MAF: variants seen among roughly 807,000 people sequenced by gnomAD.
MAF encodes MAF bZIP transcription factor.
In MAF, 10 loss-of-function variants were observed where a neutral mutation model predicts 22.0. The observed-to-expected ratio is 0.45, with a 90% confidence interval of 0.28 to 0.77. The LOEUF is 0.77. Among genes scored for constraint, MAF ranks in the 30% least tolerant of loss-of-function variants. MAF has a pLI of 0.12. For synonymous variants in MAF, 337 were observed against 255.8 expected, an observed-to-expected ratio of 1.32 and a Z score of -3.03; for missense variants, 544 against 548.4, an observed-to-expected ratio of 0.99 and a Z score of 0.08.
At chr16:79,473,507 C>A in the MAF span, among the ~76,000 whole-genome samples, 2 of 152,120 alleles carry the variant, frequency 1.3e-5, no homozygotes, top group Admixed American at 1.3e-4. Context: ...ATAAAAAATG[C>A]ACAGCCTTTG....
the MAF span, among the ~76,000 whole-genome samples, chr16:79,207,011 C>G: frequency 6.6e-6 from 1 of 152,146 alleles, no homozygotes; most frequent in Non-Finnish European, 1.5e-5. Context: ...ATCCCAAGCA[C>G]CGAGGTATCT....
chr16:79,400,142 C>T, the MAF span, among the ~76,000 whole-genome samples: 6 of 152,166 alleles, frequency 3.9e-5, no homozygotes, highest in Admixed American at 3.3e-4. Context: ...AGTGGGTAGA[C>T]ACCAGCAATG....
At chr16:79,298,141 C>A in the MAF span, among the ~76,000 whole-genome samples, 1 of 152,362 alleles carries the variant, frequency 6.6e-6, no homozygotes, top group East Asian at 1.9e-4. Flanking sequence ...ATGAAGCCAG[C>A]TCAGGCGGAG....
At chr16:79,286,088 G>T in the MAF span, among the ~76,000 whole-genome samples, 1 of 152,190 alleles carries the variant, frequency 6.6e-6, no homozygotes, top group Admixed American at 6.5e-5. Context: ...GATCAAATAA[G>T]ATCAATATTG....
the MAF span, among the ~76,000 whole-genome samples, chr16:79,236,154 A>C: frequency 6.6e-6 from 1 of 152,120 alleles, no homozygotes; most frequent in African/African-American, 2.4e-5. Context: ...TTTGACTTCC[A>C]AACAGAATTG....
At chr16:79,382,823 G>A in the MAF span, among the ~76,000 whole-genome samples, 1 of 152,212 alleles carries the variant, frequency 6.6e-6, no homozygotes, top group Non-Finnish European at 1.5e-5. Context: ...CAGAGAGCAA[G>A]AAAAGAACTG....
At chr16:79,556,713 G>C in the MAF span, among the ~76,000 whole-genome samples, 1 of 152,092 alleles carries the variant, frequency 6.6e-6, no homozygotes, top group African/African-American at 2.4e-5. Context: ...TCAGCTACGT[G>C]GGTAAATTAG....
chr16:79,355,796 T>C, the MAF span, among the ~76,000 whole-genome samples: 1 of 152,154 alleles, frequency 6.6e-6, no homozygotes, highest in Non-Finnish European at 1.5e-5. Context: ...AAAGTGGCTA[T>C]GGGCGGCGTG....
chr16:79,300,426 A>G, the MAF span, among the ~76,000 whole-genome samples: 2 of 152,090 alleles, frequency 1.3e-5, no homozygotes, highest in African/African-American at 4.8e-5. Context: ...GTGGTGGTGC[A>G]CACATGTAGT....
the MAF span, among the ~76,000 whole-genome samples, chr16:79,364,072 C>G: frequency 4.6e-5 from 7 of 152,138 alleles, no homozygotes; most frequent in Non-Finnish European, 1.0e-4. Context: ...TTAATTTAAT[C>G]CTTGTCTGTG....
the MAF span, among the ~76,000 whole-genome samples, chr16:79,208,909 C>T: frequency 6.6e-6 from 1 of 152,144 alleles, no homozygotes; most frequent in Non-Finnish European, 1.5e-5. Flanking sequence ...CTTAATTGTC[C>T]AGCAAGGGAG....
the MAF span, among the ~76,000 whole-genome samples, chr16:79,446,530 A>G: frequency 5.3e-5 from 8 of 152,204 alleles, no homozygotes; most frequent in African/African-American, 1.9e-4. Flanking sequence ...CACTAAAAAG[A>G]TAAAGGTTTG....
chr16:79,593,807 GA>G, downstream of MAF: 1 of 163,368 alleles, frequency 6.1e-6, no homozygotes, highest in Non-Finnish European at 1.2e-5. Context: ...GAGCAAAAAA[GA>G]AAAGGGAGCA....
chr16:79,393,613 A>C, the MAF span, among the ~76,000 whole-genome samples: 1 of 152,250 alleles, frequency 6.6e-6, no homozygotes, highest in East Asian at 1.9e-4. Context: ...TGGGTGCAGC[A>C]AGGTTCCTTC....
At chr16:79,320,338 G>C in the MAF span, among the ~76,000 whole-genome samples, 2 of 152,160 alleles carry the variant, frequency 1.3e-5, no homozygotes, top group African/African-American at 2.4e-5. Context: ...AGAAGATACG[G>C]GGCTTCCTGA....
the MAF span, among the ~76,000 whole-genome samples, chr16:79,553,442 G>A: frequency 6.6e-6 from 1 of 152,230 alleles, no homozygotes; most frequent in East Asian, 1.9e-4. Flanking sequence ...TGTTACAGAT[G>A]CCTGCTTTTG....
the MAF span, among the ~76,000 whole-genome samples, chr16:79,573,615 A>G: frequency 3.9e-5 from 6 of 152,206 alleles, no homozygotes; most frequent in African/African-American, 1.4e-4. Flanking sequence ...TTCATTTTCT[A>G]CTGTATAGGT....
At chr16:79,215,172 G>C in the MAF span, among the ~76,000 whole-genome samples, 2 of 152,122 alleles carry the variant, frequency 1.3e-5, no homozygotes, top group Non-Finnish European at 2.9e-5. Flanking sequence ...TGATTTCAAG[G>C]TCATGCAGAT....
chr16:79,211,752 A>G, the MAF span: 1 of 1,614,206 alleles, frequency 6.2e-7, no homozygotes, highest in Admixed American at 1.7e-5. Flanking sequence ...GTGGGCGCTC[A>G]GCGAGAGGCT....
Sources: allele counts gnomAD v4.1 joint callset (sites outside exome capture counted in the v4.1 genomes callset), GRCh38; gene constraint gnomAD v4.1.1; transcripts MANE v1.5; gene names NCBI Gene and HGNC (gene_info 2026-07-23, HGNC 2026-07-21).